The following DIP2C variants were observed in gnomAD, a reference collection of about 807,000 sequenced individuals.
The protein encoded by DIP2C is DIP2 acetate--CoA ligase C (putative).
DIP2C carries 33 observed loss-of-function variants against 192.4 expected under a neutral mutation model. The observed-to-expected ratio is 0.17, with a 90% CI of 0.13 to 0.23. The LOEUF is 0.23. DIP2C is among the 10% of genes least tolerant of loss of function. DIP2C has a pLI of 1.00. For missense variants in DIP2C, 1,537 were observed against 2,110.1 expected (o/e 0.73, Z 5.32); for synonymous variants, 979 against 864.1 (o/e 1.13, Z -2.33).
chr10:472,947 A>G (rs1970748288), intron 2 of DIP2C, among the ~76,000 whole-genome samples: 1 of 152,250 alleles, frequency 6.6e-6, no homozygotes, highest in Admixed American at 6.5e-5. Context: ...GAAAATTTAA[A>G]AGTATATTTG....
intron 1 of DIP2C, among the ~76,000 whole-genome samples, chr10:613,940 T>C (rs1853270270): frequency 6.6e-6 from 1 of 152,134 alleles, no homozygotes; most frequent in South Asian, 2.1e-4. Context: ...CCATCTGCCC[T>C]GCCTTCCTCC....
At chr10:380,549 G>A (rs1299981433) in intron 17 of DIP2C, among the ~76,000 whole-genome samples, 1 of 152,196 alleles carries the variant, frequency 6.6e-6, no homozygotes, top group Admixed American at 6.5e-5. Context: ...GGCCATCCTC[G>A]AACCCATCCA....
intron 1 of DIP2C, among the ~76,000 whole-genome samples, chr10:606,316 G>A (rs891506376): frequency 1.3e-5 from 2 of 152,154 alleles, no homozygotes; most frequent in African/African-American, 2.4e-5. Context: ...CACAGCTCAG[G>A]GCACGGCCAC....
intron 2 of DIP2C, among the ~76,000 whole-genome samples, chr10:477,655 G>C (rs1282303981): frequency 1.4e-5 from 2 of 141,032 alleles, no homozygotes; most frequent in African/African-American, 5.2e-5. Context: ...AAGAAAAATA[G>C]ATGAACAGGA....
At chr10:495,751 C>T (rs1381131440) in intron 1 of DIP2C, among the ~76,000 whole-genome samples, 2 of 150,658 alleles carry the variant, frequency 1.3e-5, no homozygotes, top group African/African-American at 2.4e-5. Context: ...ACTCGCAATA[C>T]CCCAATGTGA....
chr10:277,132 T>C lies in DIP2C; in HGVS notation c.*193A>G. 2 of 719,880 alleles carry C rather than the reference T, an allele frequency of 2.8e-6. No individual in the cohort carries two copies. The highest frequency in any genetic ancestry group is 4.2e-6 in the Non-Finnish European group (2 of 472,164). 44.6% of individuals were successfully genotyped at this position (719,880 alleles called of 1,614,324 possible). ...CAAAGTCCTTCTGAGCGAAATTCAGTGGTAAATTCACATTTCACCCCCATG... is the reference window on the plus strand; with the variant it reads ...CAAAGTCCTTCTGAGCGAAATTCAGCGGTAAATTCACATTTCACCCCCATG... On this transcript the variant is annotated 3_prime_UTR_variant, in exon 37 of 37. Transcript: ENST00000280886.
At chr10:516,141 C>T (rs1246971790) in intron 1 of DIP2C, among the ~76,000 whole-genome samples, 1 of 149,002 alleles carries the variant, frequency 6.7e-6, no homozygotes, top group Non-Finnish European at 1.5e-5. Flanking sequence ...GTCCTCCATC[C>T]TGTTATGGGA....
At position 689,454 on chromosome 10, in the gene DIP2C, G is replaced by T; in HGVS notation, c.85+40C>A. On this transcript the variant is annotated intron_variant, in intron 1 of 36. Transcript: ENST00000280886. The surrounding 1 kb of genome is among the most constrained non-coding windows in gnomAD (Gnocchi z 6.1). ...CAGCCCTCCGCGCGCGGCCCTCCCC[G>T]GTGACAGCGCGGCCCGGCCCGGGGC... The T allele has an allele frequency of 9.3e-7, 1 of 1,080,856 alleles. No homozygotes were observed. Among genetic ancestry groups the T allele is most frequent in the Non-Finnish European group, 1.1e-6 (1 of 889,886 alleles). The allele number at this position is 1,080,856 out of a possible 1,614,324, so 67.0% of individuals were successfully genotyped here. A position where few individuals can be genotyped will look rare whatever the true frequency, so the allele number is the denominator to read the frequency against.
chr10:395,085 A>G (rs1432207767), intron 10 of DIP2C, among the ~76,000 whole-genome samples: 3 of 121,856 alleles, frequency 2.5e-5, no homozygotes, highest in Non-Finnish European at 3.3e-5. Context: ...TAGAATGGTG[A>G]CCACGAGGGC....
At chr10:548,982 T>TAC (rs1848454198) in intron 1 of DIP2C, among the ~76,000 whole-genome samples, 1 of 114,444 alleles carries the variant, frequency 8.7e-6, no homozygotes, top group African/African-American at 3.6e-5. Context: ...ATAAAGATCC[T>TAC]ACAGCTCTTC....
At chr10:312,175 T>C (rs930894543) in intron 31 of DIP2C, among the ~76,000 whole-genome samples, 2 of 152,186 alleles carry the variant, frequency 1.3e-5, no homozygotes, top group African/African-American at 4.8e-5. Context: ...ATGTGCTCTG[T>C]TGCTGTTCCC....
At chr10:414,189 G>A in intron 7 of DIP2C, 79 bp from the exon 8 acceptor site, 8 of 1,462,720 alleles carry the variant, frequency 5.5e-6, no homozygotes, top group Non-Finnish European at 7.4e-6. Flanking sequence ...TTATAAAGAA[G>A]CCAAGAGATT....
intron 1 of DIP2C, among the ~76,000 whole-genome samples, chr10:627,471 C>T (rs528296944): frequency 1.3e-5 from 2 of 152,230 alleles, no homozygotes; most frequent in Non-Finnish European, 2.9e-5. Context: ...TTCTTGGCAA[C>T]CTCGCGACAT....
At position 439,052 on chromosome 10, in the gene DIP2C, T is replaced by C. The variant is rs369053583; in HGVS notation, c.394+1819A>G. On this transcript the variant is annotated intron_variant, in intron 4 of 36. Transcript: ENST00000280886. ...CATTTTGGTACATTTTGCCATGTTT[T>C]CCGGGCTGGTCTTGAACTCTTGGGC... Among the ~76,000 whole-genome samples, 14 of 152,228 alleles carry C rather than the reference T, an allele frequency of 9.2e-5. No individual in the cohort carries two copies. The East Asian group carries it at 1.5e-3, about 17-fold the overall frequency.
intron 14 of DIP2C, among the ~76,000 whole-genome samples, chr10:386,704 C>T (rs1432730867): frequency 2.6e-5 from 4 of 152,188 alleles, no homozygotes; most frequent in Admixed American, 1.3e-4. Flanking sequence ...CGCCAAGAAA[C>T]GGCGAATACA....
intron 17 of DIP2C, among the ~76,000 whole-genome samples, chr10:371,556 G>T (rs538704466): frequency 4.7e-4 from 71 of 152,362 alleles, no homozygotes; most frequent in South Asian, 2.7e-3. Context: ...TGGAGGCAGA[G>T]ACTGGAGTGA....
At chr10:452,444 C>T (rs1369178617) in intron 3 of DIP2C, among the ~76,000 whole-genome samples, 1 of 152,140 alleles carries the variant, frequency 6.6e-6, no homozygotes, top group African/African-American at 2.4e-5. Flanking sequence ...CTGAAGCACG[C>T]AGTGTAATTA....
chr10:557,930 C>A (rs1588458797), intron 1 of DIP2C, among the ~76,000 whole-genome samples: 2 of 143,390 alleles, frequency 1.4e-5, no homozygotes, highest in African/African-American at 5.5e-5. Flanking sequence ...GGGGGAAACC[C>A]CAGAGGGCGA....
chr10:523,938 T>G (rs1414972610), intron 1 of DIP2C, among the ~76,000 whole-genome samples: 1 of 152,202 alleles, frequency 6.6e-6, no homozygotes, highest in Non-Finnish European at 1.5e-5. Context: ...TTTAGGAACC[T>G]GAGGGGTGGG....
Sources: allele counts gnomAD v4.1 joint callset (sites outside exome capture counted in the v4.1 genomes callset), GRCh38; gene constraint gnomAD v4.1.1; non-coding constraint Gnocchi (gnomAD v3.1); transcripts MANE v1.5; gene names NCBI Gene and HGNC (gene_info 2026-07-23, HGNC 2026-07-21).